Variants in MAP4K4 observed in about 807,000 individuals in gnomAD.
The protein encoded by MAP4K4 is HPK/GCK-like kinase HGK.
MAP4K4 carries 38 observed loss-of-function variants against 189.6 expected under a neutral mutation model. The ratio of observed to expected loss-of-function variants is 0.20; its 90% CI spans 0.15 to 0.26. The LOEUF is 0.26. Among genes scored for constraint, MAP4K4 ranks in the 10% least tolerant of loss-of-function variants. The probability of loss-of-function intolerance (pLI) is 1.00; values close to 1 mark genes in which losing one functional copy is unlikely to be tolerated. For missense variants in MAP4K4, 1,054 were observed against 1,726.9 expected, an observed-to-expected ratio of 0.61 and a Z score of 6.91; for synonymous variants, 610 against 624.3, an observed-to-expected ratio of 0.98 and a Z score of 0.34.
intron 3 of MAP4K4, among the ~76,000 whole-genome samples, chr2:101,812,691 T>C (rs1194083718): frequency 2.6e-5 from 4 of 152,142 alleles, no homozygotes; most frequent in Non-Finnish European, 5.9e-5. Context: ...TTGCTGTAGA[T>C]AATTGCCATA....
At chr2:101,798,655 G>A (rs2094052623) in intron 3 of MAP4K4, among the ~76,000 whole-genome samples, 1 of 152,160 alleles carries the variant, frequency 6.6e-6, no homozygotes, top group African/African-American at 2.4e-5. Context: ...GGGTTTTAAA[G>A]TAGTGGTACC....
chr2:101,817,491 C>T (rs1223252817), intron 3 of MAP4K4, among the ~76,000 whole-genome samples: 1 of 152,180 alleles, frequency 6.6e-6, no homozygotes, highest in Non-Finnish European at 1.5e-5. Context: ...AAGTCCTCCC[C>T]ACCCCCATCC....
chr2:101,703,329 C>T (rs1395745349), intron 2 of MAP4K4, among the ~76,000 whole-genome samples: 6 of 152,050 alleles, frequency 3.9e-5, no homozygotes, highest in Non-Finnish European at 4.4e-5. Context: ...AGTGGGTACA[C>T]GGTTTGCCCA....
At chr2:101,879,195 CAAAA>C (rs61482872) in intron 27 of MAP4K4, among the ~76,000 whole-genome samples, 3 of 67,410 alleles carry the variant, frequency 4.5e-5, no homozygotes, top group African/African-American at 1.9e-4. Context: ...AGCCTGTCTC[CAAAA>C]AAAAAAAAAA....
At chr2:101,868,184 G>A in intron 21 of MAP4K4, 147 bp downstream of exon 21, 2 of 845,776 alleles carry the variant, frequency 2.4e-6, no homozygotes, top group South Asian at 1.6e-5. Flanking sequence ...CTTTACTCCA[G>A]TTTTCTTAAC....
intron 2 of MAP4K4, among the ~76,000 whole-genome samples, chr2:101,724,346 G>T (rs185667620): frequency 7.9e-5 from 12 of 152,146 alleles, no homozygotes; most frequent in Non-Finnish European, 1.2e-4. Context: ...ACACTGGCAG[G>T]ATTAGTTATC....
intron 2 of MAP4K4, among the ~76,000 whole-genome samples, chr2:101,742,948 T>TA (rs1204369028): frequency 6.6e-6 from 1 of 152,246 alleles, no homozygotes; most frequent in Non-Finnish European, 1.5e-5. Flanking sequence ...AGAGGCTTTT[T>TA]ATCAGGCCCA....
intron 2 of MAP4K4, among the ~76,000 whole-genome samples, chr2:101,785,509 G>A (rs947655907): frequency 8.5e-5 from 13 of 152,120 alleles, no homozygotes; most frequent in Non-Finnish European, 1.5e-5. Context: ...ATATGGATGA[G>A]ACAATGGAAT....
At chr2:101,702,714 C>T (rs2039657477) in intron 2 of MAP4K4, among the ~76,000 whole-genome samples, 1 of 152,192 alleles carries the variant, frequency 6.6e-6, no homozygotes, top group Non-Finnish European at 1.5e-5. Context: ...TCAAGGTTCA[C>T]TCAAAGGAGG....
intron 8 of MAP4K4, among the ~76,000 whole-genome samples, chr2:101,834,899 G>A (rs755372531): frequency 6.6e-6 from 1 of 152,144 alleles, no homozygotes; most frequent in Non-Finnish European, 1.5e-5. Context: ...AATTTTGTGA[G>A]TGTTTGCTTC....
chr2:101,847,820 A>G (rs1346455641), intron 12 of MAP4K4, among the ~76,000 whole-genome samples: 2 of 152,206 alleles, frequency 1.3e-5, no homozygotes, highest in Non-Finnish European at 2.9e-5. Flanking sequence ...CTAATGTTCA[A>G]GGTCTTCATA....
At chr2:101,782,825 C>T (rs1368415063) in intron 2 of MAP4K4, among the ~76,000 whole-genome samples, 1 of 152,172 alleles carries the variant, frequency 6.6e-6, no homozygotes, top group Non-Finnish European at 1.5e-5. Context: ...GGGTAATATG[C>T]TCTCCCACTT....
intron 6 of MAP4K4, 139 bp downstream of exon 6, chr2:101,829,733 T>C (rs2096533478): frequency 4.7e-6 from 3 of 632,918 alleles, no homozygotes; most frequent in Admixed American, 2.5e-5. Flanking sequence ...ATGTGGGAAC[T>C]GAGCATATTA....
intron 2 of MAP4K4, among the ~76,000 whole-genome samples, chr2:101,728,271 C>T (rs913052451): frequency 6.6e-6 from 1 of 152,180 alleles, no homozygotes; most frequent in Non-Finnish European, 1.5e-5. Context: ...TACTGGGCCC[C>T]ATCCCACAGT....
intron 2 of MAP4K4, among the ~76,000 whole-genome samples, chr2:101,728,641 C>T (rs2056829672): frequency 6.6e-6 from 1 of 152,148 alleles, no homozygotes; most frequent in African/African-American, 2.4e-5. Flanking sequence ...GCCTCAGCCT[C>T]CCGAGTAGCT....
chr2:101,826,519 G>A (rs191243439), intron 5 of MAP4K4, among the ~76,000 whole-genome samples: 1 of 152,114 alleles, frequency 6.6e-6, no homozygotes, highest in African/African-American at 2.4e-5. Context: ...AGAAAGCAGA[G>A]CCTAAATGTG....
At chr2:101,837,034 C>G (rs2096776895) in intron 9 of MAP4K4, among the ~76,000 whole-genome samples, 1 of 151,020 alleles carries the variant, frequency 6.6e-6, no homozygotes, top group South Asian at 2.1e-4. Flanking sequence ...CATGCATGGT[C>G]TCCCCTCCTT....
intron 3 of MAP4K4, among the ~76,000 whole-genome samples, chr2:101,805,259 C>T (rs6543097): frequency 0.28 from 42,665 of 151,826 alleles, 6,764 homozygotes; most frequent in South Asian, 0.48. Flanking sequence ...CCCTGATATG[C>T]CTCTTGCAGT....
chr2:101,837,989 A>G (rs1231485385), intron 9 of MAP4K4, among the ~76,000 whole-genome samples: 3 of 152,220 alleles, frequency 2.0e-5, no homozygotes, highest in Non-Finnish European at 2.9e-5. Context: ...GGATGAGAAA[A>G]TTATGGACGT....
Sources: allele counts gnomAD v4.1 joint callset (sites outside exome capture counted in the v4.1 genomes callset), GRCh38; gene constraint gnomAD v4.1.1; transcripts MANE v1.5; gene names NCBI Gene and HGNC (gene_info 2026-07-23, HGNC 2026-07-21).